IL34: variants seen among roughly 807,000 people sequenced by gnomAD.
IL34 encodes the protein interleukin 34.
Under a neutral mutation model 25.3 loss-of-function variants are expected in IL34, and 17 were observed. The ratio of observed to expected loss-of-function variants is 0.67; its 90% CI spans 0.46 to 1.01. The LOEUF is 1.01. Ranked by LOEUF, IL34 falls within the 50% of genes least tolerant of loss-of-function variation. IL34 has a pLI of 0.00. For synonymous variants in IL34, 174 were observed against 140.9 expected, an observed-to-expected ratio of 1.23 and a Z score of -1.66; for missense variants, 368 against 312.9, an observed-to-expected ratio of 1.18 and a Z score of -1.33.
chr16:70,656,370 T>A (rs1048083719), intron 2 of IL34, among the ~76,000 whole-genome samples: 1 of 151,952 alleles, frequency 6.6e-6, no homozygotes, highest in African/African-American at 2.4e-5. Flanking sequence ...AATAAAAAAA[T>A]CATCTGGGCG....
At chr16:70,617,578 A>T (rs2151833115) in intron 1 of IL34, among the ~76,000 whole-genome samples, 1 of 151,890 alleles carries the variant, frequency 6.6e-6, no homozygotes, top group Admixed American at 6.6e-5. Context: ...AATGGGCTGT[A>T]CCCCCTGTAG....
Position 70,659,600 on chromosome 16 carries a change from C to T in IL34, c.403-18C>T, listed in dbSNP as rs768802695. On this transcript the variant is annotated intron_variant, in intron 4 of 5. Coordinates refer to ENST00000288098, the MANE Select transcript of IL34 (RefSeq NM_001393494.1). ...GGCCCCATCTCGCCACCGCTCCTGA[C>T]TGTTTCCTCCTTTCCAGGATGTGGA... The T allele has an allele frequency of 3.9e-5, 62 of 1,595,336 alleles. No individual in the cohort carries two copies. The highest frequency in any genetic ancestry group is 5.2e-5 in the Non-Finnish European group (61 of 1,166,604).
chr16:70,580,506 G>T (rs527676802), intron 1 of IL34, among the ~76,000 whole-genome samples: 3 of 152,200 alleles, frequency 2.0e-5, no homozygotes, highest in South Asian at 4.1e-4. Context: ...TTGGCCAGGC[G>T]CAGTGGCTCA....
intron 1 of IL34, among the ~76,000 whole-genome samples, chr16:70,616,685 A>G (rs2051177862): frequency 6.6e-6 from 1 of 152,194 alleles, no homozygotes; most frequent in African/African-American, 2.4e-5. Context: ...GATCTCACAC[A>G]GTACATTCTC....
chr16:70,645,395 C>A (rs1005136641), upstream of IL34, among the ~76,000 whole-genome samples: 4 of 152,152 alleles, frequency 2.6e-5, no homozygotes, highest in Non-Finnish European at 5.9e-5. Context: ...CCTGCTCTCC[C>A]CCGATGGTGT....
chr16:70,633,436 A>T (rs902856406), intron 1 of IL34, among the ~76,000 whole-genome samples: 12 of 151,376 alleles, frequency 7.9e-5, no homozygotes, highest in African/African-American at 1.2e-4. Context: ...AAAAATTATT[A>T]TTTTTTTCTC....
At chr16:70,631,429 T>C (rs2051515155) in intron 1 of IL34, among the ~76,000 whole-genome samples, 1 of 152,234 alleles carries the variant, frequency 6.6e-6, no homozygotes, top group African/African-American at 2.4e-5. Context: ...TCTTTTCCAA[T>C]TTATTCTTGT....
upstream of IL34, among the ~76,000 whole-genome samples, chr16:70,646,093 A>T (rs151102780): frequency 5.9e-5 from 9 of 152,016 alleles, no homozygotes; most frequent in African/African-American, 2.2e-4. Context: ...TTTTATTAAT[A>T]GAACTGAGGT....
intron 1 of IL34, among the ~76,000 whole-genome samples, chr16:70,619,003 G>A (rs2051220419): frequency 6.6e-6 from 1 of 152,162 alleles, no homozygotes; most frequent in African/African-American, 2.4e-5. Context: ...TTGAGGATAG[G>A]AGAGTATATG....
intron 1 of IL34, among the ~76,000 whole-genome samples, chr16:70,649,874 C>G (rs2151874839): frequency 6.6e-6 from 1 of 152,322 alleles, no homozygotes. Flanking sequence ...TCTCAGCTCA[C>G]TGCATCCTCT....
intron 1 of IL34, among the ~76,000 whole-genome samples, chr16:70,583,455 G>C (rs1213234241): frequency 6.6e-6 from 1 of 152,142 alleles, no homozygotes; most frequent in Non-Finnish European, 1.5e-5. Flanking sequence ...TTCGAGGGAC[G>C]AAGCGAGTGT....
intron 1 of IL34, among the ~76,000 whole-genome samples, chr16:70,634,458 TC>T (rs1310744706): frequency 1.1e-4 from 17 of 151,898 alleles, no homozygotes; most frequent in African/African-American, 4.1e-4. Flanking sequence ...GGCAGGCTGA[TC>T]ACCTGAGGTC....
chr16:70,646,307 A>G (rs1486803798), upstream of IL34, among the ~76,000 whole-genome samples: 1 of 151,528 alleles, frequency 6.6e-6, no homozygotes, highest in Admixed American at 6.6e-5. Context: ...AACTCAAACC[A>G]CCTGTTCATT....
intron 1 of IL34, among the ~76,000 whole-genome samples, chr16:70,596,765 G>T (rs757533949): frequency 8.5e-5 from 13 of 152,242 alleles, no homozygotes; most frequent in East Asian, 1.9e-4. Flanking sequence ...AAAAAAATTG[G>T]TTTTTTGTAG....
At chr16:70,600,711 C>T (rs1032034187) in intron 1 of IL34, among the ~76,000 whole-genome samples, 1 of 152,170 alleles carries the variant, frequency 6.6e-6, no homozygotes, top group Non-Finnish European at 1.5e-5. Flanking sequence ...TGAGGTGTAA[C>T]TGGTTGATAT....
chr16:70,611,235 A>T (rs1444774630), intron 1 of IL34, among the ~76,000 whole-genome samples: 8 of 152,072 alleles, frequency 5.3e-5, no homozygotes. Flanking sequence ...TTTGAAACAC[A>T]TGTGAGAGGC....
At chr16:70,587,472 C>T (rs1323241011) in intron 1 of IL34, among the ~76,000 whole-genome samples, 14 of 151,902 alleles carry the variant, frequency 9.2e-5, no homozygotes, top group Non-Finnish European at 2.1e-4. Flanking sequence ...GGGGTTTCAC[C>T]GTTTTAGCCA....
chr16:70,592,370 G>T (rs1472497011), intron 1 of IL34, among the ~76,000 whole-genome samples: 3 of 152,094 alleles, frequency 2.0e-5, no homozygotes, highest in East Asian at 3.9e-4. Flanking sequence ...GTAATAGAAG[G>T]CCCCTCCTCT....
chr16:70,643,010 C>T (rs565371441), upstream of IL34, among the ~76,000 whole-genome samples: 11 of 152,144 alleles, frequency 7.2e-5, no homozygotes, highest in South Asian at 2.1e-3. Context: ...GACTGTTGCA[C>T]AACTTAGTAC....
Sources: allele counts gnomAD v4.1 joint callset (sites outside exome capture counted in the v4.1 genomes callset), GRCh38; gene constraint gnomAD v4.1.1; transcripts MANE v1.5; gene names NCBI Gene and HGNC (gene_info 2026-07-23, HGNC 2026-07-21).